The following HS3ST6 variants were observed in gnomAD, a reference collection of about 807,000 sequenced individuals.
The protein encoded by HS3ST6 is heparan sulfate glucosamine 3-O-sulfotransferase 6.
Under a neutral mutation model 11.0 loss-of-function variants are expected in HS3ST6, and 13 were observed. The observed-to-expected ratio is 1.18, with a 90% CI of 0.77 to 1.88. The LOEUF (loss-of-function observed/expected upper bound fraction) is 1.88, where lower values mean the gene tolerates loss of function less well. Among genes scored for constraint, HS3ST6 ranks in the 40% most tolerant of loss-of-function variants. The pLI, the probability that HS3ST6 is intolerant of heterozygous loss-of-function variation, is 0.00. For missense variants in HS3ST6, 541 were observed against 494.4 expected, an observed-to-expected ratio of 1.09 and a Z score of -0.89; for synonymous variants, 232 against 230.6, an observed-to-expected ratio of 1.01 and a Z score of -0.06.
intron 1 of HS3ST6, among the ~76,000 whole-genome samples, chr16:1,914,397 C>T (rs147226741): frequency 0.01 from 1,584 of 152,270 alleles, 26 homozygotes; most frequent in African/African-American, 0.035. Flanking sequence ...ACCTCGCTGA[C>T]GATGCCCATA....
In HS3ST6 at chr16:1,912,597, G is replaced by A. The variant is rs1054108745; in HGVS notation, c.414-392C>T. On this transcript the variant is annotated intron_variant, in intron 1 of 1. Coordinates refer to ENST00000454677, the MANE Select transcript of HS3ST6 (RefSeq NM_001009606.4). This position sits in a 1 kb window ranked among gnomAD's most constrained non-coding sequence, Gnocchi z 5.6. The stretch of plus-strand genomic sequence containing the variant: ...CGGACCCACACTTTCCTGGAACTAG[G>A]CTGCCCCCAGCTCCTTTCTCATCCC... Among the ~76,000 whole-genome samples the A allele has an allele frequency of 9.2e-5, 14 of 151,988 alleles. No individual in the cohort carries two copies. In the South Asian group the frequency reaches 2.5e-3, roughly 27 times the overall value.
At chr16:1,919,193 C>T (rs1056621912), upstream of HS3ST6, among the ~76,000 whole-genome samples, 4 of 152,206 alleles carry the variant, frequency 2.6e-5, no homozygotes, top group African/African-American at 9.7e-5. Context: ...CCAGAGACAT[C>T]AGTGATGCAT....
In HS3ST6 at chr16:1,911,595, C is replaced by T. The variant is rs1214816759; in HGVS notation, c.1024G>A (p.Gly342Ser). The T allele has an allele frequency of 1.3e-6, 2 of 1,598,742 alleles. No individual in the cohort carries two copies. The highest frequency in any genetic ancestry group is 1.7e-6 in the Non-Finnish European group (2 of 1,172,890). The change falls in exon 2 of 2, where the codon GGC becomes AGC. Residue 342 changes from glycine to serine, a missense_variant. Gly to Ser is a moderately conservative substitution (Grantham distance 56). Coordinates refer to ENST00000454677, the MANE Select transcript of HS3ST6 (RefSeq NM_001009606.4). ...YQMTGQDFGWG is the reference protein window; with the variant it reads ...YQMTGQDFGWS ...GAGCATCCCCAGGGTGCCGCTCAGC[C>T]CCAGCCGAAGTCCTGGCCCGTCATC...
Position 1,918,275 on chromosome 16 carries a change from C to G in HS3ST6, c.49G>C (p.Ala17Pro). The G allele has an allele frequency of 1.1e-6, 1 of 912,084 alleles. No homozygotes were observed. The highest frequency in any genetic ancestry group is 1.3e-6 in the Non-Finnish European group (1 of 760,438). 56.5% of individuals were successfully genotyped at this position (912,084 alleles called of 1,614,324 possible). ...AGAGCGGCCCCTTGCCCGGCCCCTG[C>G]GCCCTGGCCGCCCCCGGCCCCGCCG... ...LGGGAGGGQG[A>P]GAGQGAALRA... is the part of the protein sequence containing the mutation. Residue 17 changes from alanine (A) to proline (P), a missense_variant, in exon 1 of 2, where the codon GCA becomes CCA. Ala to Pro is a conservative substitution (Grantham distance 27, BLOSUM62 -1). Transcript: ENST00000454677. The surrounding 1 kb of genome is among the most constrained non-coding windows in gnomAD (Gnocchi z 6.0).
Position 1,911,912 on chromosome 16 carries a change from A to T in HS3ST6, c.707T>A (p.Leu236Gln), listed in dbSNP as rs1157944957. Residue 236 changes from leucine to glutamine, a missense_variant, in exon 2 of 2, where the codon CTG (leucine) becomes CAG (glutamine). Leu to Gln is a moderately radical substitution (Grantham distance 113, BLOSUM62 -2). Coordinates refer to ENST00000454677, the MANE Select transcript of HS3ST6 (RefSeq NM_001009606.4). ...GLYAQHLDHW[L>Q]RYFPLSHFLF... is the part of the protein sequence containing the mutation. ...GAAGTGGGACAGGGGGAAGTAGCGC[A>T]GCCAGTGGTCCAGGTGCTGGGCGTA... 13 of 1,602,122 alleles carry T rather than the reference A, an allele frequency of 8.1e-6. No homozygotes were observed. The highest frequency in any genetic ancestry group is 1.1e-5 in the Non-Finnish European group (13 of 1,173,064).
chr16:1,915,661 G>A (rs1339029594), intron 1 of HS3ST6, among the ~76,000 whole-genome samples: 1 of 152,198 alleles, frequency 6.6e-6, no homozygotes, highest in South Asian at 2.1e-4. Flanking sequence ...TCGAGACCTT[G>A]GGGAGTCTGC....
intron 1 of HS3ST6, among the ~76,000 whole-genome samples, chr16:1,916,607 T>C (rs1356822433): frequency 6.6e-6 from 1 of 151,252 alleles, no homozygotes; most frequent in Admixed American, 6.6e-5. Context: ...CCCCTGTGGC[T>C]CCTCACGGCC....
chr16:1,916,879 C>G (rs2082930177), intron 1 of HS3ST6, among the ~76,000 whole-genome samples: 1 of 151,736 alleles, frequency 6.6e-6, no homozygotes, highest in Non-Finnish European at 1.5e-5. Flanking sequence ...AGTGAGGTCT[C>G]TCCCTGGAGC....
chr16:1,912,034 G>A lies in HS3ST6; in HGVS notation c.585C>T (p.Leu195=). Residue 195 remains leucine, a synonymous_variant, in exon 2 of 2, where the codon CTC becomes CTT. Coordinates refer to ENST00000454677, the MANE Select transcript of HS3ST6 (RefSeq NM_001009606.4). This position sits in a 1 kb window ranked among gnomAD's most constrained non-coding sequence, Gnocchi z 5.6. ...TRAISDYAQT[L]SKTPGLPSFR... ...AGCTGGGCAGGCCCGGGGTCTTGGAGAGCGTCTGGGCGTAGTCGGAGATGG... is the reference window on the plus strand; with the variant it reads ...AGCTGGGCAGGCCCGGGGTCTTGGAAAGCGTCTGGGCGTAGTCGGAGATGG... 3 of 1,523,040 alleles carry A rather than the reference G, an allele frequency of 2.0e-6. No homozygotes were observed. The highest frequency in any genetic ancestry group is 2.6e-6 in the Non-Finnish European group (3 of 1,137,090). 94.3% of individuals were successfully genotyped at this position (1,523,040 alleles called of 1,614,324 possible).
rs998092568 is a variant in HS3ST6 at position 1,912,432 on chromosome 16, C to T, written c.414-227G>A. Among the ~76,000 whole-genome samples the T allele has an allele frequency of 2.0e-5, 3 of 152,112 alleles. No homozygotes were observed. Among genetic ancestry groups the T allele is most frequent in the Non-Finnish European group, 2.9e-5 (2 of 68,000 alleles). ...CACCTGCCTGCAGCCCGGCCTGTTC[C>T]GCCGGCCTGCCCCGCCTGCTGCTGC... On this transcript the variant is annotated intron_variant, in intron 1 of 1. Transcript: ENST00000454677. The surrounding 1 kb of genome is among the most constrained non-coding windows in gnomAD (Gnocchi z 5.6).
At chr16:1,916,772 T>A (rs1318195756) in intron 1 of HS3ST6, among the ~76,000 whole-genome samples, 2 of 42,326 alleles carry the variant, frequency 4.7e-5, no homozygotes, top group African/African-American at 1.9e-4. Flanking sequence ...GTCTCGCCAC[T>A]CCCCTCCTCC....
intron 1 of HS3ST6, among the ~76,000 whole-genome samples, chr16:1,913,965 G>A (rs1486277649): frequency 6.6e-6 from 1 of 152,072 alleles, no homozygotes; most frequent in Non-Finnish European, 1.5e-5. Flanking sequence ...TTCCCACCCC[G>A]CAGAACCAGG....
upstream of HS3ST6, among the ~76,000 whole-genome samples, chr16:1,920,438 C>T (rs371802493): frequency 4.4e-4 from 67 of 152,094 alleles, no homozygotes; most frequent in East Asian, 0.013. Flanking sequence ...CCCACGGTCT[C>T]AGCCGTCCCC....
At chr16:1,920,351 G>GC (rs2082956999), upstream of HS3ST6, among the ~76,000 whole-genome samples, 5 of 44,384 alleles carry the variant, frequency 1.1e-4, no homozygotes, top group East Asian at 1.1e-3. Context: ...CCCACGGTCT[G>GC]AGTCCCCACG....
intron 1 of HS3ST6, among the ~76,000 whole-genome samples, chr16:1,913,332 AG>A (rs1286244681): frequency 2.0e-5 from 3 of 152,058 alleles, no homozygotes; most frequent in African/African-American, 7.2e-5. Context: ...GACACAGGAG[AG>A]GAGGGCACTG....
At chr16:1,920,581 G>A (rs2082958901), upstream of HS3ST6, among the ~76,000 whole-genome samples, 1 of 152,192 alleles carries the variant, frequency 6.6e-6, no homozygotes, top group African/African-American at 2.4e-5. Flanking sequence ...CCTTTCCGCT[G>A]CCGTCTCTCT....
Position 1,912,194 on chromosome 16 carries a change from G to A in HS3ST6, c.425C>T (p.Pro142Leu). Residue 142 changes from proline to leucine, a missense_variant, in exon 2 of 2, where the codon CCC becomes CTC. Transcript: ENST00000454677. The surrounding 1 kb of genome is among the most constrained non-coding windows in gnomAD (Gnocchi z 5.6). ...GGTGATCTGCCCATCCAGGGTTCGG[G>A]GCATCAGACTCCTGCGGGACGGGTG... ...RGLAWYRSLM[P>L]RTLDGQITME... The A allele has an allele frequency of 7.0e-7, 1 of 1,435,972 alleles. No homozygotes were observed. Among genetic ancestry groups the A allele is most frequent in the Non-Finnish European group, 9.1e-7 (1 of 1,094,676 alleles). The allele number at this position is 1,435,972 out of a possible 1,614,324, so 89.0% of individuals were successfully genotyped here.
Position 1,912,317 on chromosome 16 carries a change from G to A in HS3ST6, c.414-112C>T, listed in dbSNP as rs995753938. 1.4e-5 allele frequency: 14 copies of A among 1,004,984 alleles called. No individual in the cohort carries two copies. The highest frequency in any genetic ancestry group is 4.0e-5 in the Admixed American group (1 of 25,066). 62.3% of individuals were successfully genotyped at this position (1,004,984 alleles called of 1,614,324 possible). ...CCCGGGAAGCCCAGGCCTCCAGGGC[G>A]AGCAAGTCTTCCTCCCTGCTCGGGC... On this transcript the variant is annotated intron_variant, in intron 1 of 1. Transcript: ENST00000454677. This position sits in a 1 kb window ranked among gnomAD's most constrained non-coding sequence, Gnocchi z 5.6.
At chr16:1,914,965 T>G (rs1013632416) in intron 1 of HS3ST6, among the ~76,000 whole-genome samples, 2 of 152,134 alleles carry the variant, frequency 1.3e-5, no homozygotes, top group Admixed American at 6.5e-5. Context: ...CCCCTCCTTG[T>G]GGAGCCCACC....
Sources: allele counts gnomAD v4.1 joint callset (sites outside exome capture counted in the v4.1 genomes callset), GRCh38; gene constraint gnomAD v4.1.1; non-coding constraint Gnocchi (gnomAD v3.1); transcripts MANE v1.5; gene names NCBI Gene and HGNC (gene_info 2026-07-23, HGNC 2026-07-21).